Variants in PTPRF observed in about 807,000 individuals in gnomAD.
PTPRF encodes the protein protein tyrosine phosphatase receptor type F.
Under a neutral mutation model 201.8 loss-of-function variants are expected in PTPRF, and 59 were observed. The ratio of observed to expected loss-of-function variants is 0.29; its 90% CI spans 0.24 to 0.36. The LOEUF (loss-of-function observed/expected upper bound fraction) is 0.36, where lower values mean the gene tolerates loss of function less well. Ranked by LOEUF, PTPRF falls within the 10% of genes least tolerant of loss-of-function variation. The probability of loss-of-function intolerance (pLI) is 1.00; values close to 1 mark genes in which losing one functional copy is unlikely to be tolerated. For missense variants in PTPRF, 2,132 were observed against 2,690.5 expected, an observed-to-expected ratio of 0.79 and a Z score of 4.59; for synonymous variants, 1,088 against 1,089.7, an observed-to-expected ratio of 1.00 and a Z score of 0.03.
chr1:43,578,097 G>A (rs1206835330), intron 6 of PTPRF, among the ~76,000 whole-genome samples: 4 of 152,354 alleles, frequency 2.6e-5, no homozygotes, highest in East Asian at 1.9e-4. Context: ...CTGTCTGTCC[G>A]TCTGCGGCCA....
At chr1:43,579,182 C>T (rs771711573) in intron 7 of PTPRF, 1 of 658,088 alleles carries the variant, frequency 1.5e-6, no homozygotes. Flanking sequence ...GTAGGTCTTG[C>T]CGCATGGGCC....
intron 5 of PTPRF, among the ~76,000 whole-genome samples, chr1:43,558,653 T>G (rs879735012): frequency 6.6e-6 from 1 of 152,108 alleles, no homozygotes; most frequent in Non-Finnish European, 1.5e-5. Context: ...CTCTTCTCGC[T>G]CCGCACTCTT....
chr1:43,620,168 G>A lies in PTPRF; in HGVS notation c.5185G>A (p.Glu1729Lys). 1 of 1,614,120 alleles carries A rather than the reference G, an allele frequency of 6.2e-7. No individual in the cohort carries two copies. Among genetic ancestry groups the A allele is most frequent in the Non-Finnish European group, 8.5e-7 (1 of 1,179,986 alleles). ...CGAGGACTTCTGGCGCATGCTATGGGAGCACAATTCCACCATCATCGTCAT... is the reference window on the plus strand; with the variant it reads ...CGAGGACTTCTGGCGCATGCTATGGAAGCACAATTCCACCATCATCGTCAT... Reference protein sequence around the residue: ...STEDFWRMLWEHNSTIIVMLT... With the variant: ...STEDFWRMLWKHNSTIIVMLT... The change falls in exon 30 of 34, where the codon GAG (glutamate) becomes AAG (lysine). Residue 1729 changes from glutamate (E) to lysine (K), a missense_variant. Glu to Lys is a moderately conservative substitution (Grantham distance 56). Coordinates refer to ENST00000359947, the MANE Select transcript of PTPRF (RefSeq NM_002840.5).
At chr1:43,620,627 TGGGTGGATGG>T in intron 31 of PTPRF, 48 bp downstream of exon 31, 1 of 1,596,372 alleles carries the variant, frequency 6.3e-7, no homozygotes, top group Non-Finnish European at 8.6e-7. Flanking sequence ...GTCCACACGC[TGGGTGGATGG>T]CTGCCTGCAT....
upstream of PTPRF, among the ~76,000 whole-genome samples, chr1:43,523,355 A>G (rs1446956493): frequency 6.6e-6 from 1 of 152,182 alleles, no homozygotes; most frequent in African/African-American, 2.4e-5. Flanking sequence ...TCAATGCTGT[A>G]GGCATGGATG....
At chr1:43,590,915 G>A in intron 8 of PTPRF, 57 bp from the exon 9 acceptor site, 3 of 1,464,564 alleles carry the variant, frequency 2.0e-6, no homozygotes, top group Non-Finnish European at 2.8e-6. Flanking sequence ...CAAGTCTAGG[G>A]TTGGTTCCTA....
At chr1:43,526,438 A>AT (rs1643112912), upstream of PTPRF, among the ~76,000 whole-genome samples, 1 of 151,826 alleles carries the variant, frequency 6.6e-6, no homozygotes, top group African/African-American at 2.4e-5. Context: ...CTACAAAAAA[A>AT]ATTTTTTTTT....
Position 43,601,587 on chromosome 1 carries a change from T to C in PTPRF, c.2314-484T>C, listed in dbSNP as rs567536585. On this transcript the variant is annotated intron_variant, in intron 13 of 33. Coordinates refer to ENST00000359947, the MANE Select transcript of PTPRF (RefSeq NM_002840.5). ...ATCACATCTGGGATGCTTTGGCGGG[T>C]GGAAGGAGACACTGAATAGTCAATT... Among the ~76,000 whole-genome samples the C allele has an allele frequency of 3.4e-3, 515 of 152,298 alleles. 3 individuals are homozygous for C. Among genetic ancestry groups the C allele is most frequent in the African/African-American group, 0.012 (484 of 41,558 alleles).
At chr1:43,569,324 T>C (rs1413404168) in intron 5 of PTPRF, among the ~76,000 whole-genome samples, 1 of 151,436 alleles carries the variant, frequency 6.6e-6, no homozygotes, top group Non-Finnish European at 1.5e-5. Context: ...AGATAAGTGC[T>C]GACGCCTTCA....
chr1:43,587,793 C>T (rs1050345795), intron 7 of PTPRF, among the ~76,000 whole-genome samples: 1 of 152,306 alleles, frequency 6.6e-6, no homozygotes, highest in East Asian at 1.9e-4. Flanking sequence ...TGCCTGCCCA[C>T]GGCTGGGTTT....
chr1:43,615,551 C>CTT (rs68193223), intron 23 of PTPRF, among the ~76,000 whole-genome samples: 2,133 of 83,980 alleles, frequency 0.025, 304 homozygotes, highest in African/African-American at 0.035. Context: ...GCTCTGTTGT[C>CTT]TTTTTTTTTT....
chr1:43,543,793 C>A (rs954214192), intron 2 of PTPRF, among the ~76,000 whole-genome samples: 4 of 152,194 alleles, frequency 2.6e-5, no homozygotes, highest in African/African-American at 4.8e-5. Flanking sequence ...AAAGTCCATG[C>A]GTATCACTGT....
chr1:43,568,386 T>C (rs1646335112), intron 5 of PTPRF, among the ~76,000 whole-genome samples: 1 of 152,108 alleles, frequency 6.6e-6, no homozygotes, highest in South Asian at 2.1e-4. Flanking sequence ...AGTTCCCGAC[T>C]CTAGTCTCAA....
chr1:43,557,600 C>T (rs1019364332), intron 5 of PTPRF, among the ~76,000 whole-genome samples: 2 of 150,498 alleles, frequency 1.3e-5, no homozygotes, highest in Non-Finnish European at 1.5e-5. Flanking sequence ...CGCCACTGCA[C>T]TCCAGCCTGG....
intron 7 of PTPRF, among the ~76,000 whole-genome samples, chr1:43,583,266 C>A (rs1266414893): frequency 6.6e-6 from 1 of 152,150 alleles, no homozygotes; most frequent in Non-Finnish European, 1.5e-5. Flanking sequence ...GTGGGCAGAC[C>A]CCTGACCTGC....
chr1:43,608,527 A>G (rs1260326487), intron 21 of PTPRF, among the ~76,000 whole-genome samples: 2 of 151,904 alleles, frequency 1.3e-5, no homozygotes, highest in African/African-American at 4.8e-5. Flanking sequence ...TTTCTGTCTC[A>G]CTCTTGCCAG....
chr1:43,594,732 G>A (rs1280959356), intron 11 of PTPRF, among the ~76,000 whole-genome samples: 1 of 152,124 alleles, frequency 6.6e-6, no homozygotes, highest in African/African-American at 2.4e-5. Flanking sequence ...GAGGAGAGTG[G>A]TGCTGGCGTA....
intron 7 of PTPRF, among the ~76,000 whole-genome samples, chr1:43,587,709 C>T (rs1570353613): frequency 1.3e-5 from 2 of 152,176 alleles, no homozygotes; most frequent in African/African-American, 4.8e-5. Context: ...TTTGGCCCTG[C>T]GTGTGAGAGT....
intron 5 of PTPRF, among the ~76,000 whole-genome samples, chr1:43,565,787 G>A (rs1259702215): frequency 1.3e-5 from 2 of 152,214 alleles, no homozygotes; most frequent in African/African-American, 4.8e-5. Context: ...GGGGCGCAGA[G>A]GCTCCACCCA....
Sources: allele counts gnomAD v4.1 joint callset (sites outside exome capture counted in the v4.1 genomes callset), GRCh38; gene constraint gnomAD v4.1.1; transcripts MANE v1.5; gene names NCBI Gene and HGNC (gene_info 2026-07-23, HGNC 2026-07-21).